C1QTNF3: variants seen among roughly 807,000 people sequenced by gnomAD.
C1QTNF3 encodes C1q and TNF related 3, also known as complement C1q tumor necrosis factor-related protein 3.
In C1QTNF3, 26 loss-of-function variants were observed where a neutral mutation model predicts 32.6. The observed-to-expected ratio is 0.80, with a 90% confidence interval of 0.58 to 1.11. C1QTNF3 has a LOEUF of 1.11. Among genes scored for constraint, C1QTNF3 ranks in the 50% least tolerant of loss-of-function variants. The pLI is 0.00. For missense variants in C1QTNF3, 362 were observed against 398.2 expected, an observed-to-expected ratio of 0.91 and a Z score of 0.77; for synonymous variants, 155 against 146.0, an observed-to-expected ratio of 1.06 and a Z score of -0.44.
At chr5:34,145,851 C>T in the C1QTNF3 span, among the ~76,000 whole-genome samples, 19 of 151,860 alleles carry the variant, frequency 1.3e-4, no homozygotes, top group Admixed American at 2.6e-4. Flanking sequence ...TGTTTCAACC[C>T]GTACAAATCT....
the C1QTNF3 span, among the ~76,000 whole-genome samples, chr5:34,207,790 GT>G: frequency 6.3e-4 from 90 of 142,298 alleles, no homozygotes; most frequent in Middle Eastern, 3.5e-3. Context: ...GCTTGAGAAA[GT>G]TTTTTTTTTT....
chr5:34,043,575 C>T (rs1461182420), upstream of C1QTNF3: 3 of 162,694 alleles, frequency 1.8e-5, no homozygotes, highest in East Asian at 1.8e-4. Context: ...TTAACTGCAT[C>T]AGTTTTGTCT....
At chr5:34,115,069 C>T in the C1QTNF3 span, among the ~76,000 whole-genome samples, 1 of 151,944 alleles carries the variant, frequency 6.6e-6, no homozygotes. Flanking sequence ...AAAATAGTGT[C>T]ATTAATATTT....
chr5:34,056,469 TATATATATATAG>T, the C1QTNF3 span, among the ~76,000 whole-genome samples: 1 of 109,314 alleles, frequency 9.1e-6, no homozygotes, highest in Admixed American at 1.0e-4. Flanking sequence ...TATATATATA[TATATATATATAG>T]AGAGAGAGAG....
chr5:34,066,034 T>C, the C1QTNF3 span, among the ~76,000 whole-genome samples: 1 of 152,344 alleles, frequency 6.6e-6, no homozygotes, highest in Non-Finnish European at 1.5e-5. Context: ...AAGTTGTATG[T>C]ATGCTCTTTT....
chr5:34,032,968 C>T, intron 3 of C1QTNF3: 1 of 225,858 alleles, frequency 4.4e-6, no homozygotes, highest in Non-Finnish European at 8.6e-6. Flanking sequence ...TTCAAGTTGG[C>T]CCAAACCCTT....
intron 1 of C1QTNF3, among the ~76,000 whole-genome samples, chr5:34,039,853 G>C (rs535478673): frequency 1.3e-5 from 2 of 152,152 alleles, no homozygotes; most frequent in African/African-American, 2.4e-5. Context: ...AGCTCCAGGA[G>C]ATGAAGTTGC....
At chr5:34,155,223 C>T in the C1QTNF3 span, among the ~76,000 whole-genome samples, 7 of 152,148 alleles carry the variant, frequency 4.6e-5, no homozygotes, top group African/African-American at 1.7e-4. Context: ...AATGGATTGA[C>T]TCTGCATGTA....
chr5:34,073,326 C>CA, the C1QTNF3 span, among the ~76,000 whole-genome samples: 169 of 78,300 alleles, frequency 2.2e-3, no homozygotes, highest in East Asian at 2.0e-3. Flanking sequence ...GACTCCGTCT[C>CA]AAAAAAAAAA....
the C1QTNF3 span, among the ~76,000 whole-genome samples, chr5:34,240,243 C>G: frequency 6.6e-6 from 1 of 151,028 alleles, no homozygotes; most frequent in Non-Finnish European, 1.5e-5. Flanking sequence ...AAAGAACAAC[C>G]CTACATCAAC....
At chr5:34,178,105 A>C in the C1QTNF3 span, among the ~76,000 whole-genome samples, 2 of 19,804 alleles carry the variant, frequency 1.0e-4, no homozygotes, top group African/African-American at 1.6e-4. Flanking sequence ...CATCTCTACT[A>C]AAAAAAAAAA....
At chr5:34,222,312 C>T in the C1QTNF3 span, among the ~76,000 whole-genome samples, 1 of 151,850 alleles carries the variant, frequency 6.6e-6, no homozygotes, top group South Asian at 2.1e-4. Flanking sequence ...TCAACTAGGG[C>T]ACAATTGTAA....
the C1QTNF3 span, among the ~76,000 whole-genome samples, chr5:34,073,815 C>T: frequency 6.6e-6 from 1 of 151,864 alleles, no homozygotes; most frequent in African/African-American, 2.4e-5. Flanking sequence ...ACAGAACGTG[C>T]CCCTTTCACC....
At chr5:34,135,562 G>T in the C1QTNF3 span, among the ~76,000 whole-genome samples, 1 of 151,930 alleles carries the variant, frequency 6.6e-6, no homozygotes. Flanking sequence ...ACTTTTTTTG[G>T]TTGGTAAGCT....
chr5:34,212,126 C>T, the C1QTNF3 span, among the ~76,000 whole-genome samples: 1 of 151,902 alleles, frequency 6.6e-6, no homozygotes, highest in African/African-American at 2.4e-5. Flanking sequence ...TCATCTTTGA[C>T]AAACCTGAGA....
the C1QTNF3 span, among the ~76,000 whole-genome samples, chr5:34,141,319 T>C: frequency 3.9e-5 from 6 of 152,100 alleles, no homozygotes; most frequent in African/African-American, 1.4e-4. Flanking sequence ...GGGGTTTCAC[T>C]GTGTTAGCCA....
the C1QTNF3 span, chr5:34,167,771 T>C: frequency 7.2e-5 from 11 of 152,174 alleles, no homozygotes; most frequent in Admixed American, 2.6e-4. Flanking sequence ...CACTAAAATA[T>C]AATGAAGTGG....
the C1QTNF3 span, among the ~76,000 whole-genome samples, chr5:34,212,543 C>T: frequency 6.6e-6 from 1 of 151,706 alleles, no homozygotes; most frequent in Admixed American, 6.6e-5. Flanking sequence ...ACAATGAACT[C>T]AAACAAATTT....
chr5:34,059,469 A>C, the C1QTNF3 span, among the ~76,000 whole-genome samples: 3 of 152,122 alleles, frequency 2.0e-5, no homozygotes, highest in Non-Finnish European at 4.4e-5. Flanking sequence ...GGACAGTCCA[A>C]GATCAAGGCA....
Sources: gnomAD v4.1 joint callset for allele counts (sites outside exome capture counted in the v4.1 genomes callset) on GRCh38, gnomAD v4.1.1 for gene constraint, MANE v1.5 for transcripts, NCBI Gene and HGNC (gene_info 2026-07-23, HGNC 2026-07-21) for gene names.